The following ZMYM2 variants were observed in gnomAD, a reference collection of about 807,000 sequenced individuals.
ZMYM2 encodes zinc finger MYM-type containing 2, also known as zinc finger MYM-type protein 2.
ZMYM2 carries 56 observed loss-of-function variants against 162.8 expected under a neutral mutation model. The observed-to-expected ratio is 0.34, with a 90% CI of 0.28 to 0.43. The LOEUF is 0.43. Among genes scored for constraint, ZMYM2 ranks in the 20% least tolerant of loss-of-function variants. The pLI is 1.00. For synonymous variants in ZMYM2, 510 were observed against 541.6 expected, an observed-to-expected ratio of 0.94 and a Z score of 0.81; for missense variants, 1,275 against 1,621.8, an observed-to-expected ratio of 0.79 and a Z score of 3.67.
the ZMYM2 span, among the ~76,000 whole-genome samples, chr13:19,950,609 A>G: frequency 6.6e-6 from 1 of 152,208 alleles, no homozygotes; most frequent in African/African-American, 2.4e-5. Context: ...TTCTACCCAT[A>G]ATCCTCTCTG....
At chr13:19,908,910 C>A in the ZMYM2 span, among the ~76,000 whole-genome samples, 3 of 152,086 alleles carry the variant, frequency 2.0e-5, no homozygotes, top group African/African-American at 7.2e-5. Flanking sequence ...AAAGCTTTGA[C>A]CTTGAGGATC....
upstream of ZMYM2, among the ~76,000 whole-genome samples, chr13:19,958,428 G>C (rs1414439447): frequency 1.3e-5 from 2 of 151,290 alleles, no homozygotes; most frequent in Admixed American, 1.3e-4. Flanking sequence ...GGCGGGCAGC[G>C]AATCTCGGGC....
At chr13:19,913,441 T>C in the ZMYM2 span, among the ~76,000 whole-genome samples, 2 of 151,986 alleles carry the variant, frequency 1.3e-5, no homozygotes, top group African/African-American at 2.4e-5. Context: ...GTAACTTACA[T>C]TGGCCAGGCA....
At chr13:20,034,453 T>G in intron 11 of ZMYM2, 49 bp downstream of exon 11, 2 of 1,398,004 alleles carry the variant, frequency 1.4e-6, no homozygotes, top group Non-Finnish European at 1.9e-6. Context: ...ATATTTAATG[T>G]TTTTTGCCAA....
chr13:19,894,108 T>C, the ZMYM2 span, among the ~76,000 whole-genome samples: 2,020 of 151,474 alleles, frequency 0.013, 55 homozygotes, highest in African/African-American at 0.035. Flanking sequence ...GGAACACACA[T>C]ACACACACAC....
At chr13:20,031,247 T>G in intron 9 of ZMYM2, 72 bp from the exon 10 acceptor site, 12 of 1,038,830 alleles carry the variant, frequency 1.2e-5, no homozygotes, top group Non-Finnish European at 1.7e-5. Context: ...ACATCGTAGA[T>G]ATATGACAGT....
chr13:19,889,575 C>T, the ZMYM2 span, among the ~76,000 whole-genome samples: 1 of 151,992 alleles, frequency 6.6e-6, no homozygotes, highest in African/African-American at 2.4e-5. Flanking sequence ...CCGCCTCAGC[C>T]TCCCAAAGTG....
At chr13:19,982,281 CTTTTTTTTTTT>C (rs56165263) in intron 2 of ZMYM2, among the ~76,000 whole-genome samples, 6 of 86,276 alleles carry the variant, frequency 7.0e-5, no homozygotes, top group South Asian at 1.1e-3. Flanking sequence ...TATTAGCTGT[CTTTTTTTTTTT>C]TTTTTTTTTT....
chr13:19,884,471 G>C, the ZMYM2 span, among the ~76,000 whole-genome samples: 3 of 152,020 alleles, frequency 2.0e-5, no homozygotes, highest in Admixed American at 6.6e-5. Flanking sequence ...CCAGCTACTC[G>C]GGAGGCCGAG....
chr13:19,979,027 A>AT (rs140872149), intron 2 of ZMYM2, among the ~76,000 whole-genome samples: 4,144 of 151,988 alleles, frequency 0.027, 108 homozygotes, highest in East Asian at 0.12. Flanking sequence ...TGGCTGACAG[A>AT]TTTTTTTCCC....
At position 20,067,325 on chromosome 13, in the gene ZMYM2, C is replaced by T. The variant is rs1299725201; in HGVS notation, c.3388C>T (p.Arg1130Ter). The part of the protein sequence containing the change: ...YGLAHFVNEI[R>*]RPNGENYAPD... ...GTTAGCTCATTTTGTCAATGAGATC[C>T]GACGGCCAAATGGAGAGAATTATGC... The change falls in exon 21 of 25, where the codon CGA becomes TGA. Residue 1130 changes from arginine to a stop codon, truncating the protein, a stop_gained. Transcript: ENST00000610343. LOFTEE classifies it high-confidence loss of function. 3 of 1,608,630 alleles carry T rather than the reference C, an allele frequency of 1.9e-6. No homozygotes were observed. Among genetic ancestry groups the T allele is most frequent in the Non-Finnish European group, 2.5e-6 (3 of 1,177,364 alleles).
In ZMYM2 at chr13:20,013,980, G is replaced by A. The variant is rs143293007; in HGVS notation, c.1513-5567G>A. On this transcript the variant is annotated intron_variant, in intron 6 of 24. Transcript: ENST00000610343. Reference sequence around the variant, plus strand: ...AGACATCTTGTATCTTCTGATTTTTGGAAGCGTGGGAATTGGTGTTAATTC... The same window carrying A: ...AGACATCTTGTATCTTCTGATTTTTAGAAGCGTGGGAATTGGTGTTAATTC... 4.6e-5 allele frequency among the ~76,000 whole-genome samples: 7 copies of A among 152,136 alleles called. No individual in the cohort carries two copies. In the East Asian group the frequency reaches 1.4e-3, roughly 29 times the overall value.
chr13:19,965,154 G>C (rs1955628156), intron 2 of ZMYM2: 1 of 916,452 alleles, frequency 1.1e-6, no homozygotes, highest in East Asian at 6.7e-5. Context: ...GTTAGAAGTT[G>C]CAGACAGAAT....
upstream of ZMYM2, among the ~76,000 whole-genome samples, chr13:19,958,119 A>C (rs958318940): frequency 6.6e-6 from 1 of 151,880 alleles, no homozygotes; most frequent in African/African-American, 2.4e-5. Flanking sequence ...GCGAGGGTGG[A>C]AGGGCCTCCA....
the ZMYM2 span, among the ~76,000 whole-genome samples, chr13:19,901,097 G>C: frequency 6.6e-6 from 1 of 152,104 alleles, no homozygotes; most frequent in South Asian, 2.1e-4. Context: ...CAGGGAGAGA[G>C]AGAGAGAAAT....
the ZMYM2 span, among the ~76,000 whole-genome samples, chr13:19,922,316 G>T: frequency 6.6e-6 from 1 of 152,150 alleles, no homozygotes; most frequent in South Asian, 2.1e-4. Context: ...ATTGATTAAT[G>T]ATTGGCTCTA....
At chr13:19,877,448 C>G in the ZMYM2 span, among the ~76,000 whole-genome samples, 6 of 152,266 alleles carry the variant, frequency 3.9e-5, no homozygotes, top group Non-Finnish European at 8.8e-5. Context: ...CTCATGGGAA[C>G]CAACCCATTC....
At chr13:20,043,519 G>A (rs755009234) in intron 12 of ZMYM2, among the ~76,000 whole-genome samples, 2 of 152,242 alleles carry the variant, frequency 1.3e-5, no homozygotes, top group Admixed American at 6.5e-5. Flanking sequence ...GGTGGTGGTG[G>A]CAGGGCGCTG....
At chr13:20,084,667 C>T (rs1034534659) in intron 24 of ZMYM2, among the ~76,000 whole-genome samples, 4 of 151,944 alleles carry the variant, frequency 2.6e-5, no homozygotes, top group African/African-American at 9.7e-5. Flanking sequence ...AATTTTTTTT[C>T]CCCTCAATCT....
Sources: gnomAD v4.1 joint callset for allele counts (sites outside exome capture counted in the v4.1 genomes callset) on GRCh38, gnomAD v4.1.1 for gene constraint, MANE v1.5 for transcripts, NCBI Gene and HGNC (gene_info 2026-07-23, HGNC 2026-07-21) for gene names.